Variants in CUEDC1 observed in about 807,000 individuals in gnomAD.
The protein encoded by CUEDC1 is CUE domain-containing protein 1.
CUEDC1 carries 30 observed loss-of-function variants against 43.7 expected under a neutral mutation model. That is an observed-to-expected ratio of 0.69 (90% CI 0.51 to 0.93). CUEDC1 has a LOEUF of 0.93. Ranked by LOEUF, CUEDC1 falls within the 40% of genes least tolerant of loss-of-function variation. The pLI, the probability that CUEDC1 is intolerant of heterozygous loss-of-function variation, is 0.00. For missense variants in CUEDC1, 486 were observed against 549.0 expected (o/e 0.89, Z 1.15); for synonymous variants, 223 against 223.6 (o/e 1.00, Z 0.02).
intron 1 of CUEDC1, among the ~76,000 whole-genome samples, chr17:57,925,359 G>A (rs1473693656): frequency 1.3e-5 from 2 of 152,156 alleles, no homozygotes; most frequent in Non-Finnish European, 2.9e-5. Context: ...GCAATGAGAT[G>A]GGACAGGCAC....
intron 1 of CUEDC1, among the ~76,000 whole-genome samples, chr17:57,933,677 G>A (rs1446175019): frequency 6.6e-6 from 1 of 152,148 alleles, no homozygotes; most frequent in South Asian, 2.1e-4. Flanking sequence ...TACTTCCTCA[G>A]CCCCACCTCT....
intron 1 of CUEDC1, among the ~76,000 whole-genome samples, chr17:57,924,931 G>C (rs77081117): frequency 1.3e-5 from 2 of 152,150 alleles, no homozygotes; most frequent in African/African-American, 2.4e-5. Flanking sequence ...GTTTGGAGGG[G>C]AGGGGGTGTC....
rs2073899235 is a variant in CUEDC1 at position 57,862,744 on chromosome 17, G to A, written c.*545C>T. The A allele has an allele frequency of 6.5e-6, 1 of 152,734 alleles. No individual in the cohort carries two copies. The highest frequency in any genetic ancestry group is 2.4e-5 in the African/African-American group (1 of 41,468). The allele number at this position is 152,734 out of a possible 1,614,324, so 9.5% of individuals were successfully genotyped here. A position where few individuals can be genotyped will look rare whatever the true frequency, so the allele number is the denominator to read the frequency against. On this transcript the variant is annotated 3_prime_UTR_variant, in exon 11 of 11. Coordinates refer to ENST00000577830, the MANE Select transcript of CUEDC1 (RefSeq NM_001271875.2). ...TGCTGGGCCAGCAGCCCCGGGGGAAGGCTGAGATACAGGAGGACATGGAAG... is the reference window on the plus strand; with the variant it reads ...TGCTGGGCCAGCAGCCCCGGGGGAAAGCTGAGATACAGGAGGACATGGAAG...
intron 1 of CUEDC1, among the ~76,000 whole-genome samples, chr17:57,887,683 T>G (rs546006058): frequency 0.011 from 1,463 of 135,610 alleles, 25 homozygotes; most frequent in African/African-American, 0.039. Context: ...TTTTGTATTT[T>G]TAATACAGAT....
intron 1 of CUEDC1, among the ~76,000 whole-genome samples, chr17:57,897,844 C>T (rs1342148709): frequency 6.6e-6 from 1 of 151,974 alleles, no homozygotes; most frequent in Non-Finnish European, 1.5e-5. Context: ...GAAACCCCGA[C>T]TCTACTAAAA....
intron 1 of CUEDC1, among the ~76,000 whole-genome samples, chr17:57,922,934 G>A (rs565690983): frequency 3.3e-5 from 5 of 151,156 alleles, no homozygotes; most frequent in African/African-American, 1.2e-4. Flanking sequence ...GCAGTACAGT[G>A]GCATGAACAT....
At chr17:57,872,404 G>A (rs1411648558) in intron 5 of CUEDC1, among the ~76,000 whole-genome samples, 1 of 152,234 alleles carries the variant, frequency 6.6e-6, no homozygotes, top group Non-Finnish European at 1.5e-5. Context: ...GAGCAGGTGT[G>A]CAAAGGGAAG....
chr17:57,896,511 T>TGTGTGG, intron 1 of CUEDC1, among the ~76,000 whole-genome samples: 1 of 150,384 alleles, frequency 6.6e-6, no homozygotes, highest in Non-Finnish European at 1.5e-5. Context: ...TGTGTGTGTG[T>TGTGTGG]GTGTGTGTGT....
intron 1 of CUEDC1, among the ~76,000 whole-genome samples, chr17:57,889,752 C>G (rs1037503298): frequency 6.6e-6 from 1 of 152,178 alleles, no homozygotes; most frequent in Admixed American, 6.5e-5. Flanking sequence ...CCAGAAGTAC[C>G]ATTTCCACAG....
At chr17:57,899,165 A>G (rs1167858819) in intron 1 of CUEDC1, among the ~76,000 whole-genome samples, 1 of 152,160 alleles carries the variant, frequency 6.6e-6, no homozygotes, top group Non-Finnish European at 1.5e-5. Flanking sequence ...GGCAGCCGGG[A>G]CACCATCAGA....
chr17:57,924,139 C>G (rs1254891732), intron 1 of CUEDC1, among the ~76,000 whole-genome samples: 4 of 151,854 alleles, frequency 2.6e-5, no homozygotes, highest in Non-Finnish European at 4.4e-5. Flanking sequence ...CAGCGTCTCA[C>G]TCTGTTGCCA....
chr17:57,882,064 G>T (rs73992338), intron 2 of CUEDC1, among the ~76,000 whole-genome samples: 1,656 of 152,312 alleles, frequency 0.011, 38 homozygotes, highest in African/African-American at 0.037. Flanking sequence ...CTCATTGTGG[G>T]TGATGGATGC....
At chr17:57,890,356 G>T (rs2074341970) in intron 1 of CUEDC1, among the ~76,000 whole-genome samples, 1 of 152,244 alleles carries the variant, frequency 6.6e-6, no homozygotes, top group African/African-American at 2.4e-5. Flanking sequence ...CTGCTCCAGA[G>T]CTGGCTCTGT....
At chr17:57,903,795 G>A (rs2074499083) in intron 1 of CUEDC1, among the ~76,000 whole-genome samples, 1 of 152,012 alleles carries the variant, frequency 6.6e-6, no homozygotes, top group Non-Finnish European at 1.5e-5. Flanking sequence ...AATTAGCTAG[G>A]CATGGTGGTG....
chr17:57,873,495 A>G, intron 4 of CUEDC1, 96 bp downstream of exon 4: 1 of 1,370,452 alleles, frequency 7.3e-7, no homozygotes, highest in Non-Finnish European at 9.8e-7. Context: ...CTGGGTTTAA[A>G]CATCAGGAAG....
intron 1 of CUEDC1, among the ~76,000 whole-genome samples, chr17:57,938,809 T>C (rs950653924): frequency 6.6e-6 from 1 of 151,438 alleles, no homozygotes; most frequent in Non-Finnish European, 1.5e-5. Flanking sequence ...ATTACAGGCA[T>C]GTGCCACCAC....
chr17:57,948,270 G>A (rs1345246738), intron 1 of CUEDC1, among the ~76,000 whole-genome samples: 1 of 152,186 alleles, frequency 6.6e-6, no homozygotes, highest in Admixed American at 6.5e-5. Context: ...GATGCTTTCT[G>A]TATTCCAATA....
At chr17:57,928,120 T>C (rs541789101) in intron 1 of CUEDC1, among the ~76,000 whole-genome samples, 2 of 152,364 alleles carry the variant, frequency 1.3e-5, no homozygotes, top group East Asian at 3.9e-4. Context: ...CTGTGAGATT[T>C]CTGTGAGGTC....
intron 1 of CUEDC1, among the ~76,000 whole-genome samples, chr17:57,914,841 C>T (rs1008025811): frequency 6.6e-6 from 1 of 152,222 alleles, no homozygotes; most frequent in Non-Finnish European, 1.5e-5. Context: ...TGAAGAAAAG[C>T]AGGAACTCTG....
Sources: allele counts gnomAD v4.1 joint callset (sites outside exome capture counted in the v4.1 genomes callset), GRCh38; gene constraint gnomAD v4.1.1; transcripts MANE v1.5; gene names NCBI Gene and HGNC (gene_info 2026-07-23, HGNC 2026-07-21).